The following PPFIBP1 variants were observed in gnomAD, a reference collection of about 807,000 sequenced individuals.
PPFIBP1 encodes liprin-beta-1.
Under a neutral mutation model 137.8 loss-of-function variants are expected in PPFIBP1, and 112 were observed. That is an observed-to-expected ratio of 0.81 (90% confidence interval 0.70 to 0.95). The LOEUF (loss-of-function observed/expected upper bound fraction) is 0.95. Ranked by LOEUF, PPFIBP1 falls within the 40% of genes least tolerant of loss-of-function variation. The probability of loss-of-function intolerance (pLI) is 0.00; values close to 1 mark genes in which losing one functional copy is unlikely to be tolerated. For missense variants in PPFIBP1, 1,083 were observed against 1,196.6 expected (o/e 0.91, Z 1.40); for synonymous variants, 378 against 417.3 (o/e 0.91, Z 1.15).
intron 2 of PPFIBP1, among the ~76,000 whole-genome samples, chr12:27,597,421 T>C (rs1042229396): frequency 6.6e-6 from 1 of 152,162 alleles, no homozygotes; most frequent in Admixed American, 6.5e-5. Context: ...CCCAAAGTGT[T>C]GGGATTACAG....
At chr12:27,649,700 G>A (rs1326337469) in intron 6 of PPFIBP1, among the ~76,000 whole-genome samples, 4 of 152,002 alleles carry the variant, frequency 2.6e-5, no homozygotes, top group East Asian at 3.9e-4. Context: ...ACAGGCACCC[G>A]CCACTATGCC....
chr12:27,601,778 A>G (rs1409488787), intron 2 of PPFIBP1, among the ~76,000 whole-genome samples: 1 of 152,206 alleles, frequency 6.6e-6, no homozygotes, highest in African/African-American at 2.4e-5. Context: ...TAGCACGGCC[A>G]TGAACACAAC....
intron 2 of PPFIBP1, among the ~76,000 whole-genome samples, chr12:27,612,331 T>TTTTG (rs1232306875): frequency 6.6e-5 from 9 of 136,976 alleles, no homozygotes; most frequent in African/African-American, 1.6e-4. Flanking sequence ...TATTGGTGTT[T>TTTTG]TTTTTTTTTT....
chr12:27,659,574 ATCTTGC>A (rs2059417071), intron 10 of PPFIBP1, among the ~76,000 whole-genome samples: 1 of 151,772 alleles, frequency 6.6e-6, no homozygotes. Flanking sequence ...GTGAGCTATG[ATCTTGC>A]CATTGTAGAG....
At chr12:27,667,052 T>C in intron 12 of PPFIBP1, 114 bp from the exon 13 acceptor site, 2 of 1,114,630 alleles carry the variant, frequency 1.8e-6, no homozygotes, top group South Asian at 2.1e-5. Context: ...ACTCTGATTT[T>C]TGAGGATCAG....
chr12:27,593,062 G>A (rs2052717005), intron 2 of PPFIBP1, among the ~76,000 whole-genome samples: 1 of 137,718 alleles, frequency 7.3e-6, no homozygotes, highest in African/African-American at 2.7e-5. Flanking sequence ...AGCACGGGAA[G>A]TAGAGGTTGC....
chr12:27,669,684 A>G (rs775772230), intron 13 of PPFIBP1, among the ~76,000 whole-genome samples: 7 of 152,238 alleles, frequency 4.6e-5, no homozygotes, highest in Non-Finnish European at 1.5e-5. Context: ...TAAGTTGCCC[A>G]GGATTCATCA....
chr12:27,654,405 A>G (rs771553336), intron 7 of PPFIBP1: 7 of 187,278 alleles, frequency 3.7e-5, no homozygotes, highest in Non-Finnish European at 6.5e-5. Context: ...GAAATAGCAT[A>G]GAGTCATTTT....
At chr12:27,682,798 T>C (rs1566010648) in intron 24 of PPFIBP1, 95 bp downstream of exon 24, 1 of 1,576,372 alleles carries the variant, frequency 6.3e-7, no homozygotes. Flanking sequence ...TTTCAGTGAT[T>C]CCACCAGAGT....
intron 2 of PPFIBP1, among the ~76,000 whole-genome samples, chr12:27,589,301 C>G (rs970312476): frequency 1.3e-5 from 2 of 152,142 alleles, no homozygotes; most frequent in Admixed American, 1.3e-4. Flanking sequence ...ATTTTAGACT[C>G]TATTCTTGTG....
intron 4 of PPFIBP1, among the ~76,000 whole-genome samples, chr12:27,641,859 C>T (rs972172777): frequency 6.6e-6 from 1 of 152,140 alleles, no homozygotes; most frequent in Non-Finnish European, 1.5e-5. Flanking sequence ...ATAAACCAGG[C>T]ATTCGAACTG....
intron 1 of PPFIBP1, among the ~76,000 whole-genome samples, chr12:27,572,968 GA>G (rs1338662459): frequency 6.6e-6 from 1 of 152,042 alleles, no homozygotes; most frequent in Non-Finnish European, 1.5e-5. Flanking sequence ...ATCCCACAAA[GA>G]AATAAGTTTG....
At chr12:27,620,703 C>A (rs1480782714) in intron 2 of PPFIBP1, among the ~76,000 whole-genome samples, 9 of 115,376 alleles carry the variant, frequency 7.8e-5, no homozygotes, top group Non-Finnish European at 1.3e-4. Context: ...AGTTTGATCA[C>A]CAATAAAGTG....
chr12:27,574,875 A>G (rs778532791), intron 1 of PPFIBP1, among the ~76,000 whole-genome samples: 1 of 152,240 alleles, frequency 6.6e-6, no homozygotes, highest in African/African-American at 2.4e-5. Flanking sequence ...TCAGAATTAA[A>G]TGAACAGATT....
At chr12:27,594,120 C>T (rs1420668991) in intron 2 of PPFIBP1, 44 of 783,196 alleles carry the variant, frequency 5.6e-5, no homozygotes, top group Admixed American at 2.2e-4. Context: ...TAGGTGGGAC[C>T]GGGGAGAAGA....
At chr12:27,604,669 C>T (rs1419297945) in intron 2 of PPFIBP1, among the ~76,000 whole-genome samples, 1 of 152,222 alleles carries the variant, frequency 6.6e-6, no homozygotes, top group Admixed American at 6.5e-5. Flanking sequence ...TGAATAGACG[C>T]TGTTGTGTGT....
intron 2 of PPFIBP1, chr12:27,592,801 A>G (rs1053909614): frequency 6.8e-5 from 47 of 688,480 alleles, no homozygotes; most frequent in Non-Finnish European, 1.1e-4. Context: ...ACAGCAGCCA[A>G]GTCAACATTT....
At chr12:27,688,197 T>G (rs1446191787) in intron 25 of PPFIBP1, 101 bp from the exon 26 acceptor site, 1 of 1,307,738 alleles carries the variant, frequency 7.6e-7, no homozygotes, top group East Asian at 2.4e-5. Context: ...CCCTTTCTTT[T>G]TGCATTTAGT....
At chr12:27,636,299 A>G (rs1428262446) in intron 4 of PPFIBP1, 2 of 152,054 alleles carry the variant, frequency 1.3e-5, no homozygotes, top group African/African-American at 2.4e-5. Context: ...CCTTACTATT[A>G]TACTTTCTAT....
Sources: gnomAD v4.1 joint callset for allele counts (sites outside exome capture counted in the v4.1 genomes callset) on GRCh38, gnomAD v4.1.1 for gene constraint, MANE v1.5 for transcripts, NCBI Gene and HGNC (gene_info 2026-07-23, HGNC 2026-07-21) for gene names.